LRIF1: variants seen among roughly 807,000 people sequenced by gnomAD.
LRIF1 encodes the protein ligand dependent nuclear receptor interacting factor 1, also known as ligand-dependent nuclear receptor-interacting factor 1.
In LRIF1, 32 loss-of-function variants were observed where a neutral mutation model predicts 52.7. The observed-to-expected ratio is 0.61, with a 90% CI of 0.46 to 0.82. The LOEUF (loss-of-function observed/expected upper bound fraction) is 0.82, where lower values mean the gene tolerates loss of function less well. LRIF1 is among the 40% of genes least tolerant of loss of function. The pLI is 0.00. For synonymous variants in LRIF1, 323 were observed against 317.4 expected, an observed-to-expected ratio of 1.02 and a Z score of -0.19; for missense variants, 887 against 892.0, an observed-to-expected ratio of 0.99 and a Z score of 0.07.
chr1:110,959,480 A>C (rs1658857629), intron 1 of LRIF1, among the ~76,000 whole-genome samples: 1 of 152,140 alleles, frequency 6.6e-6, no homozygotes, highest in African/African-American at 2.4e-5. Flanking sequence ...GGCCGGGTGC[A>C]GTGGCTCATG....
At position 110,952,024 on chromosome 1, in the gene LRIF1, G is replaced by A; in HGVS notation, c.860C>T (p.Ala287Val). 1 of 1,614,182 alleles carries A rather than the reference G, an allele frequency of 6.2e-7. No homozygotes were observed. Among genetic ancestry groups the A allele is most frequent in the Non-Finnish European group, 8.5e-7 (1 of 1,180,006 alleles). ...ATCTTGGAAAATCCATTTCACTGGA[G>A]CAGCTTGAGAATGCTGACCACCTTT... ...QLKGGQHSQA[A>V]PVKWIFQDNL... The change falls in exon 2 of 4, where the codon GCT (alanine) becomes GTT (valine). Residue 287 changes from alanine (A) to valine (V), a missense_variant. By Grantham distance (64) the Ala-to-Val change is moderately conservative. Transcript: ENST00000369763.
At chr1:110,915,778 CTT>C in the LRIF1 span, among the ~76,000 whole-genome samples, 2 of 152,086 alleles carry the variant, frequency 1.3e-5, no homozygotes, top group Admixed American at 1.3e-4. Context: ...CTATTTATGT[CTT>C]ATTCATTTTT....
intron 1 of LRIF1, among the ~76,000 whole-genome samples, chr1:110,958,355 T>C (rs1410033000): frequency 1.3e-5 from 2 of 152,252 alleles, no homozygotes; most frequent in Admixed American, 6.5e-5. Context: ...TCCAGCTTAA[T>C]TTCTTCCAAC....
chr1:110,908,726 T>C, the LRIF1 span, among the ~76,000 whole-genome samples: 4 of 152,242 alleles, frequency 2.6e-5, no homozygotes, highest in East Asian at 7.7e-4. Flanking sequence ...ACAAAACCTC[T>C]AAGAAATATG....
At chr1:110,902,529 GAC>G in the LRIF1 span, among the ~76,000 whole-genome samples, 11 of 102,048 alleles carry the variant, frequency 1.1e-4, no homozygotes, top group Non-Finnish European at 2.3e-4. Context: ...AAGAAATACA[GAC>G]AGAAAGGAAG....
At chr1:110,877,605 T>C in the LRIF1 span, among the ~76,000 whole-genome samples, 3 of 152,360 alleles carry the variant, frequency 2.0e-5, no homozygotes, top group East Asian at 5.8e-4. Context: ...TTTGTCTTTC[T>C]TCACTTTTTC....
At chr1:110,882,399 A>G in the LRIF1 span, among the ~76,000 whole-genome samples, 1 of 152,004 alleles carries the variant, frequency 6.6e-6, no homozygotes, top group Non-Finnish European at 1.5e-5. Flanking sequence ...TCAGTTGTCC[A>G]TATGCATATG....
In LRIF1 at chr1:110,961,388, G is replaced by C. The variant is rs1557844415; in HGVS notation, c.68+2233C>G. 2.0e-5 allele frequency among the ~76,000 whole-genome samples: 3 copies of C among 152,152 alleles called. No homozygotes were observed. In the South Asian group the frequency reaches 6.2e-4, roughly 31 times the overall value. ...GTGGTAAGCTAGGATATGAACCCAA[G>C]TCTCTATGACTTAAAAGGTTCTTTC... On this transcript the variant is annotated intron_variant, in intron 1 of 3. Transcript: ENST00000369763.
the LRIF1 span, among the ~76,000 whole-genome samples, chr1:110,902,122 C>T: frequency 6.6e-6 from 1 of 152,210 alleles, no homozygotes. Flanking sequence ...CTTATCTACA[C>T]CATTCTGCAT....
chr1:110,954,173 T>C (rs930268012), intron 1 of LRIF1, among the ~76,000 whole-genome samples: 4 of 152,232 alleles, frequency 2.6e-5, no homozygotes, highest in African/African-American at 4.8e-5. Flanking sequence ...TATGTATCCG[T>C]AGAAATTTGG....
chr1:110,952,064 T>C lies in LRIF1; in HGVS notation c.820A>G (p.Thr274Ala), dbSNP rs372827902. 2.7e-5 allele frequency: 44 copies of C among 1,614,142 alleles called. No individual in the cohort carries two copies. The highest frequency in any genetic ancestry group is 3.6e-5 in the Non-Finnish European group (42 of 1,180,044). ...TGACCACCTTTCAATTGTGTCTCTG[T>C]AGCAACATTCTTTGGAATTTGTGTG... ...NTTQIPKNVATETQLKGGQHS... is the reference protein window; with the variant it reads ...NTTQIPKNVAAETQLKGGQHS... Residue 274 changes from threonine (T) to alanine (A), a missense_variant, in exon 2 of 4, where the codon ACA becomes GCA. Transcript: ENST00000369763.
chr1:110,929,584 T>C, the LRIF1 span, among the ~76,000 whole-genome samples: 1 of 152,258 alleles, frequency 6.6e-6, no homozygotes, highest in Non-Finnish European at 1.5e-5. Context: ...TGTCTGATCA[T>C]GTACTTTGTC....
chr1:110,900,750 C>CAAA, the LRIF1 span, among the ~76,000 whole-genome samples: 2 of 112,536 alleles, frequency 1.8e-5, no homozygotes, highest in East Asian at 2.4e-4. Context: ...AGCTCACACT[C>CAAA]AAAAAAAAAA....
rs767481981 is a variant in LRIF1, at chr1:110,947,999, GCTT to G, written c.2267_2269del (p.Glu756del). On this transcript the variant is annotated inframe_deletion, in exon 4 of 4. Coordinates refer to ENST00000369763, the MANE Select transcript of LRIF1 (RefSeq NM_018372.4). ...CTTCTTACGCATTTCTTCAAGAGCT[GCTT>G]CTTTCTCTCTCAGCACCTGCTTAAG... 1 of 1,596,430 alleles carries G rather than the reference GCTT, an allele frequency of 6.3e-7. No homozygotes were observed. Among genetic ancestry groups the G allele is most frequent in the South Asian group, 1.1e-5 (1 of 87,056 alleles).
chr1:110,923,225 G>A, the LRIF1 span, among the ~76,000 whole-genome samples: 2 of 152,048 alleles, frequency 1.3e-5, no homozygotes, highest in Admixed American at 6.5e-5. Flanking sequence ...TCTTCAACCC[G>A]GGAGGCGGAG....
the LRIF1 span, among the ~76,000 whole-genome samples, chr1:110,902,517 A>AAAAAAAAAAAAAAAAAAAAAAG: frequency 8.5e-4 from 89 of 104,686 alleles, no homozygotes; most frequent in Non-Finnish European, 1.4e-3. Flanking sequence ...AAAAAAAAAA[A>AAAAAAAAAAAAAAAAAAAAAAG]AAAGAAATAC....
At chr1:110,962,756 T>C (rs1659012341) in intron 1 of LRIF1, among the ~76,000 whole-genome samples, 1 of 152,204 alleles carries the variant, frequency 6.6e-6, no homozygotes, top group African/African-American at 2.4e-5. Flanking sequence ...ACGAAAATCC[T>C]CTTCCATGAG....
the LRIF1 span, chr1:110,899,609 A>T: frequency 5.9e-6 from 1 of 170,518 alleles, no homozygotes; most frequent in Non-Finnish European, 1.3e-5. Flanking sequence ...AGTTGAAGGG[A>T]GTTCTGGGGC....
the LRIF1 span, among the ~76,000 whole-genome samples, chr1:110,886,869 A>ATATATATATATATATATT: frequency 9.7e-5 from 8 of 82,782 alleles, no homozygotes; most frequent in South Asian, 4.3e-4. Context: ...ATATATATAT[A>ATATATATATATATATATT]TTTTTTTTTT....
Sources: allele counts gnomAD v4.1 joint callset (sites outside exome capture counted in the v4.1 genomes callset), GRCh38; gene constraint gnomAD v4.1.1; transcripts MANE v1.5; gene names NCBI Gene and HGNC (gene_info 2026-07-23, HGNC 2026-07-21).